The following SCEL variants were observed in gnomAD, a reference collection of about 807,000 sequenced individuals.
SCEL encodes the protein sciellin.
SCEL carries 113 observed loss-of-function variants against 117.6 expected under a neutral mutation model. The ratio of observed to expected loss-of-function variants is 0.96; its 90% confidence interval spans 0.83 to 1.12. SCEL has a LOEUF of 1.12. Among genes scored for constraint, SCEL ranks in the 50% most tolerant of loss-of-function variants. The pLI is 0.00. For missense variants in SCEL, 785 were observed against 810.8 expected (o/e 0.97, Z 0.39); for synonymous variants, 270 against 256.2 (o/e 1.05, Z -0.51).
chr13:77,616,742 CTT>C (rs35205050), intron 24 of SCEL, among the ~76,000 whole-genome samples: 10,081 of 133,532 alleles, frequency 0.075, 984 homozygotes, highest in African/African-American at 0.24. Flanking sequence ...AACTTGCATC[CTT>C]TTTTTTTTTT....
intron 1 of SCEL, among the ~76,000 whole-genome samples, chr13:77,551,038 A>T (rs2084288970): frequency 6.6e-6 from 1 of 152,172 alleles, no homozygotes; most frequent in Non-Finnish European, 1.5e-5. Flanking sequence ...CTTTAACACC[A>T]GGGCAGCAGC....
chr13:77,628,932 A>T (rs2089904402), intron 28 of SCEL, among the ~76,000 whole-genome samples: 1 of 152,162 alleles, frequency 6.6e-6, no homozygotes, highest in Admixed American at 6.6e-5. Context: ...TTTCAGTAGA[A>T]TCTGCTTATC....
chr13:77,569,288 A>C lies in SCEL; in HGVS notation c.399-83A>C, dbSNP rs117187167. On this transcript the variant is annotated intron_variant, in intron 7 of 32. Transcript: ENST00000349847. ...TGAACAGAGAGCAGGCAGGAATATG[A>C]GTAGAATTTAAGACTTTTCAAAGGT... 4,755 of 1,034,810 alleles carry C rather than the reference A, an allele frequency of 4.6e-3. 28 individuals are homozygous for C. The highest frequency in any genetic ancestry group is 5.2e-3 in the Non-Finnish European group (3,478 of 669,982). 64.1% of individuals were successfully genotyped at this position (1,034,810 alleles called of 1,614,324 possible).
At chr13:77,578,053 T>G (rs933845278) in intron 9 of SCEL, among the ~76,000 whole-genome samples, 2 of 152,200 alleles carry the variant, frequency 1.3e-5, no homozygotes, top group Non-Finnish European at 2.9e-5. Flanking sequence ...TAAAATTAAA[T>G]TTTTCTTGTG....
chr13:77,628,969 A>C (rs1019603315), intron 28 of SCEL, among the ~76,000 whole-genome samples: 2 of 152,208 alleles, frequency 1.3e-5, no homozygotes, highest in East Asian at 3.8e-4. Context: ...TATTTTGGGA[A>C]TAGGACTGGG....
intron 6 of SCEL, 53 bp from the exon 7 acceptor site, chr13:77,568,242 T>C: frequency 8.6e-7 from 1 of 1,157,790 alleles, no homozygotes. Flanking sequence ...TCCAAATAGA[T>C]GCAAATGTTC....
rs755070308 is a variant in SCEL, at chr13:77,599,338, T to C, written c.807T>C (p.Gly269=). 6.2e-7 allele frequency: 1 copy of C among 1,610,790 alleles called. No individual in the cohort carries two copies. The highest frequency in any genetic ancestry group is 1.1e-5 in the South Asian group (1 of 90,834). ...ATCAATACATTTAAAGGAATCAAGG[T>C]CTTGATAGTCTCTTCAGAGCAAATC... ...KMNKSLNRNQ[G]LDSLFRANPK... The change falls in exon 14 of 33, where the codon GGT becomes GGC. Residue 269 remains glycine (G), a synonymous_variant. Transcript: ENST00000349847.
intron 2 of SCEL, 149 bp from the exon 3 acceptor site, chr13:77,556,447 T>G (rs570359084): frequency 1.5e-6 from 1 of 666,230 alleles, no homozygotes; most frequent in African/African-American, 1.8e-5. Flanking sequence ...TCTTTCTTGC[T>G]GGTGCATCCT....
intron 10 of SCEL, among the ~76,000 whole-genome samples, chr13:77,590,487 C>T (rs1203257767): frequency 1.3e-5 from 2 of 151,922 alleles, no homozygotes; most frequent in African/African-American, 2.4e-5. Flanking sequence ...AATTAAATCC[C>T]AATTTGAATA....
chr13:77,614,786 T>A (rs1440726295), intron 24 of SCEL, among the ~76,000 whole-genome samples: 3 of 152,016 alleles, frequency 2.0e-5, no homozygotes, highest in Non-Finnish European at 4.4e-5. Flanking sequence ...ACAGAAAAAA[T>A]TAGTGGAAGA....
In SCEL at chr13:77,597,607, T is replaced by A; in HGVS notation, c.797+18T>A. ...TTGAATAGGTAAGATTTTTAAATGT[T>A]TATCTTTTATTACTGAGTTGCATAT... On this transcript the variant is annotated intron_variant, in intron 13 of 32. Coordinates refer to ENST00000349847, the MANE Select transcript of SCEL (RefSeq NM_144777.3). 2.2e-6 allele frequency: 3 copies of A among 1,341,930 alleles called. No individual in the cohort carries two copies. The highest frequency in any genetic ancestry group is 3.1e-6 in the Non-Finnish European group (3 of 967,298). 83.1% of individuals were successfully genotyped at this position (1,341,930 alleles called of 1,614,324 possible).
chr13:77,541,015 AAAG>A (rs1234502279), intron 1 of SCEL, among the ~76,000 whole-genome samples: 1 of 152,212 alleles, frequency 6.6e-6, no homozygotes, highest in African/African-American at 2.4e-5. Context: ...TCAAGGTCAG[AAAG>A]AAGATTGATG....
intron 32 of SCEL, among the ~76,000 whole-genome samples, chr13:77,643,730 C>G (rs2090669437): frequency 1.3e-5 from 2 of 151,950 alleles, no homozygotes; most frequent in Admixed American, 6.6e-5. Context: ...TATCAGAAAC[C>G]CACGTTCCAT....
intron 9 of SCEL, among the ~76,000 whole-genome samples, chr13:77,577,839 G>A (rs371450880): frequency 8.5e-5 from 13 of 152,190 alleles, no homozygotes; most frequent in African/African-American, 3.1e-4. Context: ...TTCTCTGCAG[G>A]CCTTAACCTG....
intron 9 of SCEL, among the ~76,000 whole-genome samples, chr13:77,580,418 A>C (rs2086202514): frequency 6.6e-6 from 1 of 152,226 alleles, no homozygotes; most frequent in South Asian, 2.1e-4. Flanking sequence ...AATGGAGGGA[A>C]TAATAGGAGC....
At chr13:77,571,227 G>A (rs2154397590) in intron 8 of SCEL, among the ~76,000 whole-genome samples, 1 of 150,676 alleles carries the variant, frequency 6.6e-6, no homozygotes, top group East Asian at 2.0e-4. Context: ...TGGATCACGA[G>A]GTCAGGAGAT....
intron 9 of SCEL, among the ~76,000 whole-genome samples, chr13:77,577,855 G>A (rs1214547721): frequency 6.6e-6 from 1 of 152,112 alleles, no homozygotes; most frequent in Admixed American, 6.5e-5. Flanking sequence ...ACCTGCTGCT[G>A]TTTTGCTCAA....
chr13:77,543,437 T>C (rs1013839400), intron 1 of SCEL, among the ~76,000 whole-genome samples: 4 of 152,244 alleles, frequency 2.6e-5, no homozygotes, highest in East Asian at 1.9e-4. Flanking sequence ...TGGGCAACTA[T>C]TGACATTTGG....
rs533073618 is a variant in SCEL, at chr13:77,537,033, T to C, written c.-20+1209T>C. Among the ~76,000 whole-genome samples the C allele has an allele frequency of 9.2e-5, 14 of 152,370 alleles. No homozygotes were observed. In the South Asian group the frequency reaches 2.7e-3, roughly 29 times the overall value. ...GTTTATAACGTAGATAAAGCCTTCC[T>C]AATATATGTGGTGCTCCAGTGTTTA... On this transcript the variant is annotated intron_variant, in intron 1 of 32. Coordinates refer to ENST00000349847, the MANE Select transcript of SCEL (RefSeq NM_144777.3).
Sources: gnomAD v4.1 joint callset for allele counts (sites outside exome capture counted in the v4.1 genomes callset) on GRCh38, gnomAD v4.1.1 for gene constraint, MANE v1.5 for transcripts, NCBI Gene and HGNC (gene_info 2026-07-23, HGNC 2026-07-21) for gene names.